MAGI3: variants seen among roughly 807,000 people sequenced by gnomAD.
MAGI3 encodes membrane-associated guanylate kinase, WW and PDZ domain-containing protein 3.
A neutral mutation model predicts 121.8 loss-of-function variants in MAGI3; 43 were observed. The ratio of observed to expected loss-of-function variants is 0.35; its 90% CI spans 0.28 to 0.46. The LOEUF (loss-of-function observed/expected upper bound fraction) is 0.46, where lower values mean the gene tolerates loss of function less well. Among genes scored for constraint, MAGI3 ranks in the 20% least tolerant of loss-of-function variants. The probability of loss-of-function intolerance (pLI) is 1.00; values close to 1 mark genes in which losing one functional copy is unlikely to be tolerated. For missense variants in MAGI3, 1,547 were observed against 1,797.3 expected (o/e 0.86, Z 2.52); for synonymous variants, 553 against 639.3 (o/e 0.86, Z 2.04).
chr1:113,623,236 C>T (rs527933991), intron 9 of MAGI3, among the ~76,000 whole-genome samples: 1 of 151,832 alleles, frequency 6.6e-6, no homozygotes, highest in African/African-American at 2.4e-5. Flanking sequence ...TAAGTAATAA[C>T]CACATCATAG....
At chr1:113,557,085 G>A (rs895509273) in intron 2 of MAGI3, among the ~76,000 whole-genome samples, 6 of 152,168 alleles carry the variant, frequency 3.9e-5, no homozygotes, top group East Asian at 1.9e-4. Flanking sequence ...CTGTTTGGTC[G>A]ACTCAGCCAT....
chr1:113,630,798 A>G (rs999162776), intron 9 of MAGI3, among the ~76,000 whole-genome samples: 1 of 151,894 alleles, frequency 6.6e-6, no homozygotes, highest in Non-Finnish European at 1.5e-5. Context: ...ACCGGGAGCT[A>G]AGGGAGAGGT....
intron 9 of MAGI3, among the ~76,000 whole-genome samples, chr1:113,626,807 C>G (rs1287019407): frequency 6.6e-6 from 1 of 152,118 alleles, no homozygotes; most frequent in African/African-American, 2.4e-5. Flanking sequence ...TCTCCTGTTT[C>G]ATCTCTGATT....
At chr1:113,605,013 G>A (rs1649668821) in intron 6 of MAGI3, among the ~76,000 whole-genome samples, 1 of 150,280 alleles carries the variant, frequency 6.7e-6, no homozygotes, top group African/African-American at 2.4e-5. Flanking sequence ...TTTAGATATA[G>A]TAAAATAAAA....
At position 113,475,964 on chromosome 1, in the gene MAGI3, A is replaced by G. The variant is rs144757550; in HGVS notation, c.317-73551A>G. ...TCCTGGTTTAGTCTTGGGAGGGTGT[A>G]TGTGTCCAGGAATTTATCCATTTCT... On this transcript the variant is annotated intron_variant, in intron 1 of 20. Transcript: ENST00000307546. 3.4e-4 allele frequency among the ~76,000 whole-genome samples: 51 copies of G among 152,212 alleles called. 4 individuals carry two copies. The East Asian group carries it at 9.8e-3, about 29-fold the overall frequency.
chr1:113,641,082 AGATATATATTATATATAT>A (rs1167993143), intron 9 of MAGI3, among the ~76,000 whole-genome samples: 1 of 52,832 alleles, frequency 1.9e-5, no homozygotes, highest in African/African-American at 7.9e-5. Context: ...AATATATATG[AGATATATATTATATATAT>A]GATATATAAA....
At chr1:113,560,801 A>G (rs1438716236) in intron 2 of MAGI3, among the ~76,000 whole-genome samples, 2 of 152,114 alleles carry the variant, frequency 1.3e-5, no homozygotes, top group Non-Finnish European at 2.9e-5. Context: ...GACATGAAAA[A>G]CCCTTCAAAA....
At chr1:113,541,710 A>G (rs930217342) in intron 1 of MAGI3, among the ~76,000 whole-genome samples, 2 of 152,216 alleles carry the variant, frequency 1.3e-5, no homozygotes, top group African/African-American at 4.8e-5. Context: ...GTGACCAGAA[A>G]GAATATGTTG....
chr1:113,478,211 C>T (rs950681555), intron 1 of MAGI3, among the ~76,000 whole-genome samples: 1 of 152,278 alleles, frequency 6.6e-6, no homozygotes, highest in African/African-American at 2.4e-5. Context: ...TATTACCGAC[C>T]TTCTGAAGCC....
At chr1:113,473,178 A>G (rs983655437) in intron 1 of MAGI3, among the ~76,000 whole-genome samples, 4 of 152,120 alleles carry the variant, frequency 2.6e-5, no homozygotes, top group Non-Finnish European at 5.9e-5. Flanking sequence ...GAAAGTCTTT[A>G]TCTCTCCTTT....
At chr1:113,631,539 G>A (rs140964455) in intron 9 of MAGI3, among the ~76,000 whole-genome samples, 2 of 152,102 alleles carry the variant, frequency 1.3e-5, no homozygotes, top group African/African-American at 4.8e-5. Context: ...ATAACTTTGA[G>A]ATAATCCTTT....
intron 17 of MAGI3, 38 bp from the exon 18 acceptor site, chr1:113,672,577 C>T: frequency 1.9e-6 from 3 of 1,581,224 alleles, no homozygotes; most frequent in Admixed American, 1.9e-5. Context: ...TTTTCATTTT[C>T]TCAGTTCAGA....
intron 1 of MAGI3, among the ~76,000 whole-genome samples, chr1:113,483,228 T>C (rs1194567360): frequency 6.6e-6 from 1 of 152,208 alleles, no homozygotes; most frequent in Non-Finnish European, 1.5e-5. Flanking sequence ...ACATATGGGA[T>C]CTATCCGTAG....
chr1:113,467,870 C>G (rs1363619543), intron 1 of MAGI3, among the ~76,000 whole-genome samples: 1 of 152,120 alleles, frequency 6.6e-6, no homozygotes, highest in Non-Finnish European at 1.5e-5. Flanking sequence ...ATCTTTCCCT[C>G]TAGATCTATT....
At chr1:113,538,390 A>G (rs1015250034) in intron 1 of MAGI3, among the ~76,000 whole-genome samples, 7 of 152,234 alleles carry the variant, frequency 4.6e-5, no homozygotes, top group African/African-American at 1.7e-4. Flanking sequence ...GCTCCTGTCA[A>G]AAGGATGAAG....
At chr1:113,427,140 A>G (rs1047026280) in intron 1 of MAGI3, among the ~76,000 whole-genome samples, 1 of 151,980 alleles carries the variant, frequency 6.6e-6, no homozygotes, top group African/African-American at 2.4e-5. Context: ...TGTTATTTTG[A>G]TCTGTGAAGT....
At chr1:113,551,754 T>C (rs915826465) in intron 2 of MAGI3, among the ~76,000 whole-genome samples, 1 of 152,184 alleles carries the variant, frequency 6.6e-6, no homozygotes, top group African/African-American at 2.4e-5. Context: ...ATTTACCATA[T>C]ATAAGCCTTT....
intron 13 of MAGI3, 151 bp from the exon 14 acceptor site, chr1:113,650,863 A>C: frequency 1.5e-6 from 1 of 658,408 alleles, no homozygotes; most frequent in Non-Finnish European, 2.5e-6. Context: ...GAGAATGGGC[A>C]CTTTCTCAGA....
At chr1:113,539,769 T>C (rs1314413402) in intron 1 of MAGI3, among the ~76,000 whole-genome samples, 3 of 152,114 alleles carry the variant, frequency 2.0e-5, no homozygotes. Context: ...TTGGACTGCA[T>C]TGTCATATAT....
Sources: gnomAD v4.1 joint callset for allele counts (sites outside exome capture counted in the v4.1 genomes callset) on GRCh38, gnomAD v4.1.1 for gene constraint, MANE v1.5 for transcripts, NCBI Gene and HGNC (gene_info 2026-07-23, HGNC 2026-07-21) for gene names.